MGAT4C: variants seen among roughly 807,000 people sequenced by gnomAD.
MGAT4C encodes the protein alpha-1,3-mannosyl-glycoprotein 4-beta-N-acetylglucosaminyltransferase C.
A neutral mutation model predicts 40.1 loss-of-function variants in MGAT4C; 19 were observed. The observed-to-expected ratio is 0.47, with a 90% confidence interval of 0.33 to 0.70. MGAT4C has a LOEUF of 0.70. Ranked by LOEUF, MGAT4C falls within the 30% of genes least tolerant of loss-of-function variation. The pLI is 0.02. For missense variants in MGAT4C, 491 were observed against 563.2 expected (o/e 0.87, Z 1.30); for synonymous variants, 181 against 187.1 (o/e 0.97, Z 0.27).
rs1479452791 is a variant in MGAT4C at position 85,966,740 on chromosome 12, T to A, written c.*12549A>T. 1 of 152,086 alleles carries A rather than the reference T, an allele frequency of 6.6e-6. No individual in the cohort carries two copies. The highest frequency in any genetic ancestry group is 6.6e-5 in the Admixed American group (1 of 15,262). The allele number at this position is 152,086 out of a possible 1,614,324, so 9.4% of individuals were successfully genotyped here. ...AGCCATAAAAAATGATGAGTTCATG[T>A]CCTTTGTAGGGACATGGATGAAGCT... is the stretch of plus-strand genomic sequence containing the variant. On this transcript the variant is annotated 3_prime_UTR_variant, in exon 5 of 5. Transcript: ENST00000611864.
intron 2 of MGAT4C, among the ~76,000 whole-genome samples, chr12:86,616,585 A>G (rs1962456905): frequency 6.6e-6 from 1 of 152,166 alleles, no homozygotes; most frequent in South Asian, 2.1e-4. Context: ...GAAATACTGA[A>G]AACAATATAA....
intron 1 of MGAT4C, among the ~76,000 whole-genome samples, chr12:86,155,538 T>A (rs953724134): frequency 3.9e-5 from 6 of 152,116 alleles, no homozygotes; most frequent in African/African-American, 1.4e-4. Context: ...TCAAAGATGA[T>A]CTTAGATTTG....
At chr12:86,123,815 C>A (rs573704598) in intron 1 of MGAT4C, among the ~76,000 whole-genome samples, 68 of 152,058 alleles carry the variant, frequency 4.5e-4, no homozygotes, top group African/African-American at 1.6e-3. Context: ...TGAAATGCCT[C>A]AATCAGGTTA....
At chr12:86,063,144 A>C (rs530623461) in intron 1 of MGAT4C, among the ~76,000 whole-genome samples, 4 of 152,200 alleles carry the variant, frequency 2.6e-5, no homozygotes, top group Admixed American at 1.3e-4. Context: ...GGTTACCCAC[A>C]AAGGGAAGCC....
intron 1 of MGAT4C, among the ~76,000 whole-genome samples, chr12:86,204,297 T>C (rs967283845): frequency 1.3e-5 from 2 of 152,000 alleles, no homozygotes; most frequent in African/African-American, 2.4e-5. Flanking sequence ...AGTATGTGAG[T>C]GAATTTAAAT....
chr12:86,375,094 T>TTAAG (rs1287693804), intron 3 of MGAT4C, among the ~76,000 whole-genome samples: 2 of 152,156 alleles, frequency 1.3e-5, no homozygotes, highest in African/African-American at 4.8e-5. Flanking sequence ...TCTTTGTCAC[T>TTAAG]CAATTATGAT....
At chr12:86,667,364 G>A (rs965526234) in intron 2 of MGAT4C, among the ~76,000 whole-genome samples, 39 of 152,166 alleles carry the variant, frequency 2.6e-4, no homozygotes, top group African/African-American at 8.7e-4. Flanking sequence ...ACATGTAAAC[G>A]TTTCAGTTTT....
intron 2 of MGAT4C, among the ~76,000 whole-genome samples, chr12:86,477,709 T>C (rs1337557254): frequency 6.6e-6 from 1 of 152,132 alleles, no homozygotes; most frequent in Non-Finnish European, 1.5e-5. Context: ...ACTCGTCATT[T>C]ACATTAGGTA....
At chr12:86,035,144 C>A (rs1046657566) in intron 2 of MGAT4C, among the ~76,000 whole-genome samples, 7 of 149,604 alleles carry the variant, frequency 4.7e-5, no homozygotes, top group African/African-American at 1.7e-4. Flanking sequence ...GATAAATTGC[C>A]ACCGTCTCTT....
chr12:86,434,842 T>C (rs1206801466), intron 3 of MGAT4C, among the ~76,000 whole-genome samples: 1 of 151,880 alleles, frequency 6.6e-6, no homozygotes, highest in Non-Finnish European at 1.5e-5. Context: ...AGAATACCAA[T>C]CTTTCTTCCC....
intron 2 of MGAT4C, among the ~76,000 whole-genome samples, chr12:86,596,200 AAAATAAAT>A (rs150343887): frequency 1.8e-4 from 27 of 150,740 alleles, no homozygotes; most frequent in South Asian, 6.3e-4. Context: ...ATCACGGATT[AAAATAAAT>A]AAATAAATAA....
chr12:86,566,531 C>T (rs11103991), intron 2 of MGAT4C, among the ~76,000 whole-genome samples: 3,492 of 38,040 alleles, frequency 0.092, 328 homozygotes, highest in South Asian at 0.18. Context: ...AACTCATATA[C>T]ATATATATAT....
chr12:86,735,099 T>C (rs538038647), intron 1 of MGAT4C, among the ~76,000 whole-genome samples: 26 of 152,128 alleles, frequency 1.7e-4, no homozygotes, highest in Middle Eastern at 3.4e-3. Flanking sequence ...CTACTTAGGA[T>C]GCTTTGCTAT....
chr12:86,084,801 A>G (rs1032166994), intron 1 of MGAT4C, among the ~76,000 whole-genome samples: 7 of 151,896 alleles, frequency 4.6e-5, no homozygotes, highest in South Asian at 2.1e-4. Flanking sequence ...AGGAAGTCCT[A>G]TGAGACTATT....
At chr12:86,248,537 A>T (rs1952137968) in intron 1 of MGAT4C, among the ~76,000 whole-genome samples, 1 of 152,060 alleles carries the variant, frequency 6.6e-6, no homozygotes, top group South Asian at 2.1e-4. Context: ...CTTATGCAAG[A>T]ATGCTCTGAG....
chr12:86,632,927 T>C (rs986350306), intron 2 of MGAT4C, among the ~76,000 whole-genome samples: 1 of 151,894 alleles, frequency 6.6e-6, no homozygotes, highest in Admixed American at 6.6e-5. Flanking sequence ...GAAATTTGTG[T>C]GGGAGAAATA....
intron 2 of MGAT4C, among the ~76,000 whole-genome samples, chr12:86,524,103 G>A (rs1360538486): frequency 6.6e-6 from 1 of 152,058 alleles, no homozygotes; most frequent in Non-Finnish European, 1.5e-5. Context: ...AGGTTGGTAT[G>A]GATATGTGTG....
At chr12:86,819,999 T>A (rs1179482835) in intron 1 of MGAT4C, among the ~76,000 whole-genome samples, 1 of 150,776 alleles carries the variant, frequency 6.6e-6, no homozygotes, top group Non-Finnish European at 1.5e-5. Context: ...TAGGCTATAA[T>A]GGGATAATTT....
chr12:86,097,066 C>A (rs1486293729), intron 1 of MGAT4C, among the ~76,000 whole-genome samples: 1 of 151,552 alleles, frequency 6.6e-6, no homozygotes, highest in Non-Finnish European at 1.5e-5. Context: ...TAAAACCAAA[C>A]TGTGAGCTTT....
Sources: gnomAD v4.1 joint callset for allele counts (sites outside exome capture counted in the v4.1 genomes callset) on GRCh38, gnomAD v4.1.1 for gene constraint, MANE v1.5 for transcripts, NCBI Gene and HGNC (gene_info 2026-07-23, HGNC 2026-07-21) for gene names.